Variants in GAREM1 observed in about 807,000 individuals in gnomAD.
GAREM1 encodes the protein GRB2-associated and regulator of MAPK protein 1.
A neutral mutation model predicts 71.3 loss-of-function variants in GAREM1; 26 were observed. The observed-to-expected ratio is 0.36, with a 90% CI of 0.27 to 0.51. The LOEUF is 0.51. Among genes scored for constraint, GAREM1 ranks in the 20% least tolerant of loss-of-function variants. GAREM1 has a pLI of 0.95. For missense variants in GAREM1, 1,026 were observed against 1,103.1 expected (o/e 0.93, Z 0.99); for synonymous variants, 440 against 433.2 (o/e 1.02, Z -0.20).
At chr18:32,397,779 C>T (rs2048272199) in intron 1 of GAREM1, among the ~76,000 whole-genome samples, 1 of 151,994 alleles carries the variant, frequency 6.6e-6, no homozygotes, top group African/African-American at 2.4e-5. Flanking sequence ...AGGAATTGAA[C>T]TCAGGAATTG....
Position 32,272,202 on chromosome 18 carries a change from C to T in GAREM1, c.1567-1819G>A, listed in dbSNP as rs1242110801. 2.6e-5 allele frequency among the ~76,000 whole-genome samples: 4 copies of T among 152,210 alleles called. No homozygotes were observed. The South Asian group carries it at 8.3e-4, about 32-fold the overall frequency. ...TACACCACACCCGGGACCTCTACCT[C>T]GCATCCCTGGCCTGATTCACTTGCC... On this transcript the variant is annotated intron_variant, in intron 4 of 5. Coordinates refer to ENST00000269209, the MANE Select transcript of GAREM1 (RefSeq NM_001242409.2).
chr18:32,431,891 G>A (rs1004953473), intron 1 of GAREM1, among the ~76,000 whole-genome samples: 2 of 152,160 alleles, frequency 1.3e-5, no homozygotes, highest in Non-Finnish European at 2.9e-5. Flanking sequence ...AAATCATGGA[G>A]GTCAAAAGGA....
At chr18:32,315,730 T>C (rs1377541545) in intron 2 of GAREM1, among the ~76,000 whole-genome samples, 1 of 152,058 alleles carries the variant, frequency 6.6e-6, no homozygotes, top group East Asian at 1.9e-4. Flanking sequence ...GCAGGTACTG[T>C]TCAAGTCGTT....
chr18:32,342,110 T>C (rs1386693714), intron 2 of GAREM1, among the ~76,000 whole-genome samples: 1 of 152,226 alleles, frequency 6.6e-6, no homozygotes, highest in African/African-American at 2.4e-5. Context: ...GCCTGCTACA[T>C]ACCAGGCATT....
chr18:32,413,375 T>G (rs1232387789), intron 1 of GAREM1: 1 of 634,586 alleles, frequency 1.6e-6, no homozygotes, highest in Non-Finnish European at 2.7e-6. Flanking sequence ...CAAATGTCAA[T>G]GCTGAAAACC....
At chr18:32,435,041 A>T (rs1207377214) in intron 1 of GAREM1, among the ~76,000 whole-genome samples, 2 of 152,228 alleles carry the variant, frequency 1.3e-5, no homozygotes, top group Non-Finnish European at 1.5e-5. Context: ...TCCCTCTCAG[A>T]TCTTTCCCAA....
At chr18:32,440,798 T>C (rs1251249362) in intron 1 of GAREM1, among the ~76,000 whole-genome samples, 1 of 152,176 alleles carries the variant, frequency 6.6e-6, no homozygotes, top group Admixed American at 6.5e-5. Flanking sequence ...TGGAAATACA[T>C]GGACATCTGC....
chr18:32,324,538 A>G (rs897116818), intron 2 of GAREM1, among the ~76,000 whole-genome samples: 6 of 152,236 alleles, frequency 3.9e-5, no homozygotes, highest in African/African-American at 1.4e-4. Context: ...AACTCCATGT[A>G]CAGAAACACG....
At chr18:32,440,653 T>C (rs1458865) in intron 1 of GAREM1, among the ~76,000 whole-genome samples, 33,466 of 152,166 alleles carry the variant, frequency 0.22, 4,147 homozygotes, top group East Asian at 0.4. Flanking sequence ...TGATGTATCC[T>C]CATTGCCTGT....
At chr18:32,317,072 G>C (rs904674460) in intron 2 of GAREM1, among the ~76,000 whole-genome samples, 2 of 152,098 alleles carry the variant, frequency 1.3e-5, no homozygotes, top group African/African-American at 2.4e-5. Context: ...TGGAAGGAGT[G>C]GAAAGTATAG....
At chr18:32,408,032 T>C (rs776074624) in intron 1 of GAREM1, among the ~76,000 whole-genome samples, 2 of 152,122 alleles carry the variant, frequency 1.3e-5, no homozygotes, top group Non-Finnish European at 2.9e-5. Flanking sequence ...AAGTACTGTC[T>C]AAGCCTGGTA....
chr18:32,421,837 C>A (rs1041795689), intron 1 of GAREM1, among the ~76,000 whole-genome samples: 2 of 152,102 alleles, frequency 1.3e-5, no homozygotes, highest in South Asian at 4.2e-4. Flanking sequence ...ACAAAACCTT[C>A]CCAAGCTAGA....
At chr18:32,401,392 C>A (rs560193690) in intron 1 of GAREM1, among the ~76,000 whole-genome samples, 1 of 151,512 alleles carries the variant, frequency 6.6e-6, no homozygotes, top group East Asian at 1.9e-4. Flanking sequence ...GATGTAGAAA[C>A]TTAATAACTG....
At chr18:32,324,695 T>C (rs2047459299) in intron 2 of GAREM1, among the ~76,000 whole-genome samples, 1 of 152,202 alleles carries the variant, frequency 6.6e-6, no homozygotes, top group African/African-American at 2.4e-5. Context: ...AATAAAAACA[T>C]ACTCTATAGG....
chr18:32,323,468 G>A (rs1455361519), intron 2 of GAREM1, among the ~76,000 whole-genome samples: 1 of 152,198 alleles, frequency 6.6e-6, no homozygotes, highest in Non-Finnish European at 1.5e-5. Flanking sequence ...GCTCACACCT[G>A]TAATCCCAGC....
intron 3 of GAREM1, among the ~76,000 whole-genome samples, chr18:32,297,207 A>G (rs2047150183): frequency 6.6e-6 from 1 of 152,246 alleles, no homozygotes; most frequent in Non-Finnish European, 1.5e-5. Flanking sequence ...TAGATGGATG[A>G]AAAGAACCAT....
intron 2 of GAREM1, among the ~76,000 whole-genome samples, chr18:32,335,829 G>C (rs2047585993): frequency 6.6e-6 from 1 of 152,324 alleles, no homozygotes; most frequent in Middle Eastern, 3.4e-3. Context: ...TTCAGGAAAT[G>C]CTTTCTGGGT....
intron 1 of GAREM1, among the ~76,000 whole-genome samples, chr18:32,394,517 T>C (rs545263132): frequency 2.6e-5 from 4 of 151,884 alleles, no homozygotes; most frequent in East Asian, 1.9e-4. Context: ...GAGAGAAAAA[T>C]AGATCTGGAA....
At chr18:32,458,814 A>G (rs1385927620) in intron 1 of GAREM1, among the ~76,000 whole-genome samples, 1 of 152,134 alleles carries the variant, frequency 6.6e-6, no homozygotes, top group Admixed American at 6.5e-5. Context: ...ATGATATACA[A>G]AATCATGGGC....
Sources: gnomAD v4.1 joint callset for allele counts (sites outside exome capture counted in the v4.1 genomes callset) on GRCh38, gnomAD v4.1.1 for gene constraint, MANE v1.5 for transcripts, NCBI Gene and HGNC (gene_info 2026-07-23, HGNC 2026-07-21) for gene names.